CASD1: variants seen among roughly 807,000 people sequenced by gnomAD.
CASD1 encodes the protein N-acetylneuraminate (7)9-O-acetyltransferase.
In CASD1, 41 loss-of-function variants were observed where a neutral mutation model predicts 100.0. That is an observed-to-expected ratio of 0.41 (90% CI 0.32 to 0.53). CASD1 has a LOEUF of 0.53. CASD1 is among the 20% of genes least tolerant of loss of function. The probability of loss-of-function intolerance (pLI) is 0.25; values close to 1 mark genes in which losing one functional copy is unlikely to be tolerated. For missense variants in CASD1, 774 were observed against 948.7 expected (o/e 0.82, Z 2.42); for synonymous variants, 321 against 315.6 (o/e 1.02, Z -0.18).
At chr7:94,604,489 T>A in the CASD1 span, among the ~76,000 whole-genome samples, 1 of 151,566 alleles carries the variant, frequency 6.6e-6, no homozygotes, top group East Asian at 1.9e-4. Flanking sequence ...ATTTGAAAAC[T>A]TACTCAGAGC....
chr7:94,554,434 C>G (rs771706606), intron 16 of CASD1, 49 bp from the exon 17 acceptor site: 3 of 1,231,402 alleles, frequency 2.4e-6, no homozygotes, highest in Non-Finnish European at 3.5e-6. Context: ...ATACAAAATA[C>G]TTTTCAATAA....
chr7:94,519,849 G>A (rs1394439819), intron 3 of CASD1, among the ~76,000 whole-genome samples: 1 of 152,126 alleles, frequency 6.6e-6, no homozygotes, highest in Non-Finnish European at 1.5e-5. Flanking sequence ...TGATTACTAT[G>A]AAGGTTTTAA....
In CASD1 at chr7:94,551,341, G is replaced by A. The variant is rs1795935402; in HGVS notation, c.1819G>A (p.Val607Ile). 6.5e-7 allele frequency: 1 copy of A among 1,534,150 alleles called. No homozygotes were observed. Residue 607 changes from valine to isoleucine, a missense_variant, in exon 15 of 18, where the codon GTT becomes ATT. This residue lies in a region of CASD1 where 10 missense variants were observed against 32.5 expected (regional missense o/e 0.31). Transcript: ENST00000297273. Reference protein sequence around the residue: ...WFRWRLDRYVVFHGMLFAFIY... With the variant: ...WFRWRLDRYVIFHGMLFAFIY... ...ATTTTCTCTCTTTACTTTTCAGGTA[G>A]TTTTCCACGGAATGCTGTTTGCTTT...
rs115825680 is a variant in CASD1 at position 94,548,600 on chromosome 7, C to T, written c.1714-933C>T. Among the ~76,000 whole-genome samples the T allele has an allele frequency of 3.0e-3, 462 of 151,746 alleles. 3 individuals are homozygous for T. The highest frequency in any genetic ancestry group is 0.01 in the African/African-American group (427 of 41,432). On this transcript the variant is annotated intron_variant, in intron 13 of 17. Coordinates refer to ENST00000297273, the MANE Select transcript of CASD1 (RefSeq NM_022900.5). Reference sequence around the variant, plus strand: ...TTTAAATTCTGTGGTTAAATGGAGACGGTTGCGTTTTATTAAAATAATATT... The same window carrying T: ...TTTAAATTCTGTGGTTAAATGGAGATGGTTGCGTTTTATTAAAATAATATT...
At chr7:94,577,865 AC>A in the CASD1 span, among the ~76,000 whole-genome samples, 1 of 152,304 alleles carries the variant, frequency 6.6e-6, no homozygotes, top group South Asian at 2.1e-4. Flanking sequence ...CAAGGGAACT[AC>A]CAGACAGGTA....
At chr7:94,525,077 T>C (rs1244470456) in intron 3 of CASD1, among the ~76,000 whole-genome samples, 1 of 151,650 alleles carries the variant, frequency 6.6e-6, no homozygotes, top group Non-Finnish European at 1.5e-5. Context: ...ATGTTATGAC[T>C]TCTTTAATGA....
At chr7:94,539,157 T>C (rs1482162296) in intron 10 of CASD1, 101 bp downstream of exon 10, 4 of 486,688 alleles carry the variant, frequency 8.2e-6, no homozygotes, top group Non-Finnish European at 1.4e-5. Context: ...TCTCTACCAG[T>C]TATAGACCCT....
intron 12 of CASD1, 58 bp from the exon 13 acceptor site, chr7:94,547,034 GTATT>G (rs1795715455): frequency 1.0e-6 from 1 of 986,082 alleles, no homozygotes; most frequent in African/African-American, 1.7e-5. Context: ...CAAATAGAGA[GTATT>G]TAATATGTTG....
chr7:94,552,150 C>T, intron 15 of CASD1, 200 bp from the exon 16 acceptor site: 1 of 524,164 alleles, frequency 1.9e-6, no homozygotes, highest in Non-Finnish European at 3.3e-6. Flanking sequence ...GCACCTCCCT[C>T]TGTGCTTTCT....
the CASD1 span, among the ~76,000 whole-genome samples, chr7:94,567,803 C>T: frequency 6.6e-6 from 1 of 152,106 alleles, no homozygotes; most frequent in Non-Finnish European, 1.5e-5. Flanking sequence ...TATTTTTCCT[C>T]TACAATTCCT....
the CASD1 span, among the ~76,000 whole-genome samples, chr7:94,580,912 T>C: frequency 6.6e-6 from 1 of 152,184 alleles, no homozygotes; most frequent in Admixed American, 6.5e-5. Flanking sequence ...TGCATCATTG[T>C]CAAGAGCCCT....
the CASD1 span, among the ~76,000 whole-genome samples, chr7:94,603,770 G>A: frequency 1.3e-5 from 2 of 151,946 alleles, no homozygotes; most frequent in South Asian, 2.1e-4. Context: ...ACTATATTTA[G>A]TAATTACTAT....
At chr7:94,588,264 A>G in the CASD1 span, 6 of 1,043,852 alleles carry the variant, frequency 5.7e-6, no homozygotes, top group Non-Finnish European at 6.9e-6. Flanking sequence ...GCCATTTCTC[A>G]TTTATCCCCC....
intron 4 of CASD1, 115 bp downstream of exon 4, chr7:94,527,321 A>T: frequency 1.3e-6 from 1 of 744,582 alleles, no homozygotes; most frequent in Non-Finnish European, 2.2e-6. Context: ...GAATATTAGG[A>T]TAGTGGAATA....
At chr7:94,517,137 C>T (rs933658344) in intron 1 of CASD1, among the ~76,000 whole-genome samples, 1 of 152,120 alleles carries the variant, frequency 6.6e-6, no homozygotes, top group African/African-American at 2.4e-5. Context: ...CACTCGACCT[C>T]GAGTGATCTG....
chr7:94,514,789 GT>G (rs1793890314), intron 1 of CASD1, among the ~76,000 whole-genome samples: 1 of 152,026 alleles, frequency 6.6e-6, no homozygotes, highest in African/African-American at 2.4e-5. Context: ...GTGTGTGTGT[GT>G]TTCTTGCTTG....
the CASD1 span, among the ~76,000 whole-genome samples, chr7:94,564,168 C>T: frequency 6.6e-6 from 1 of 152,178 alleles, no homozygotes; most frequent in Non-Finnish European, 1.5e-5. Context: ...ATGGAAAGAA[C>T]ACATTCACTA....
chr7:94,556,791 GCTAA>G lies in CASD1; in HGVS notation c.*1036_*1039del, dbSNP rs529044711. 2.6e-5 allele frequency: 4 copies of G among 151,976 alleles called. No individual in the cohort carries two copies. The South Asian group carries it at 6.2e-4, about 24-fold the overall frequency. 9.4% of individuals were successfully genotyped at this position (151,976 alleles called of 1,614,324 possible). A position where few individuals can be genotyped will look rare whatever the true frequency, so the allele number is the denominator to read the frequency against. ...CTTTTTGTTTGATTTTTTTTTACAA[GCTAA>G]CTGTTAGAGGTATACATTTATTTAT... On this transcript the variant is annotated 3_prime_UTR_variant, in exon 18 of 18. Coordinates refer to ENST00000297273, the MANE Select transcript of CASD1 (RefSeq NM_022900.5).
At chr7:94,539,580 A>G (rs1795284817) in intron 10 of CASD1, among the ~76,000 whole-genome samples, 2 of 151,958 alleles carry the variant, frequency 1.3e-5, no homozygotes, top group African/African-American at 2.4e-5. Flanking sequence ...GAGGCAGGAG[A>G]AACACTTGAA....
Sources: allele counts gnomAD v4.1 joint callset (sites outside exome capture counted in the v4.1 genomes callset), GRCh38; gene constraint gnomAD v4.1.1; regional missense constraint gnomAD v4.1.1; transcripts MANE v1.5; gene names NCBI Gene and HGNC (gene_info 2026-07-23, HGNC 2026-07-21).